The following GRM1 variants were observed in gnomAD, a reference collection of about 807,000 sequenced individuals.
The protein encoded by GRM1 is glutamate metabotropic receptor 1.
A neutral mutation model predicts 90.9 loss-of-function variants in GRM1; 33 were observed. The observed-to-expected ratio is 0.36, with a 90% confidence interval of 0.28 to 0.49. GRM1 has a LOEUF of 0.49. Among genes scored for constraint, GRM1 ranks in the 20% least tolerant of loss-of-function variants. The probability of loss-of-function intolerance (pLI) is 0.99; values close to 1 mark genes in which losing one functional copy is unlikely to be tolerated. For synonymous variants in GRM1, 700 were observed against 613.2 expected (o/e 1.14, Z -2.09); for missense variants, 1,190 against 1,534.3 (o/e 0.78, Z 3.75).
At chr6:146,114,171 T>C (rs190758066) in intron 1 of GRM1, among the ~76,000 whole-genome samples, 1 of 152,376 alleles carries the variant, frequency 6.6e-6, no homozygotes, top group Admixed American at 6.5e-5. Context: ...ATCTCATTTA[T>C]TAAAAACAGT....
At chr6:146,329,870 C>T (rs1460322336) in intron 3 of GRM1, among the ~76,000 whole-genome samples, 1 of 152,084 alleles carries the variant, frequency 6.6e-6, no homozygotes, top group Non-Finnish European at 1.5e-5. Flanking sequence ...GAATACTGTA[C>T]TGAAAGTGAG....
At chr6:146,178,623 T>C (rs1339466475) in intron 2 of GRM1, among the ~76,000 whole-genome samples, 2 of 152,206 alleles carry the variant, frequency 1.3e-5, no homozygotes, top group African/African-American at 4.8e-5. Flanking sequence ...TCTTCTGCGC[T>C]CAATAAGTTT....
chr6:146,031,743 A>G (rs1033792310), intron 1 of GRM1, among the ~76,000 whole-genome samples: 9 of 152,178 alleles, frequency 5.9e-5, no homozygotes, highest in African/African-American at 1.9e-4. Flanking sequence ...CTACATGTTA[A>G]TGTTTAGCAT....
chr6:146,247,747 T>A (rs1342788037), intron 2 of GRM1, among the ~76,000 whole-genome samples: 1 of 131,804 alleles, frequency 7.6e-6, no homozygotes, highest in East Asian at 2.2e-4. Flanking sequence ...CAAGACTCCA[T>A]CTCAAAAAAA....
chr6:146,229,429 G>T (rs1780369625), intron 2 of GRM1, among the ~76,000 whole-genome samples: 1 of 149,922 alleles, frequency 6.7e-6, no homozygotes, highest in Non-Finnish European at 1.5e-5. Context: ...GGGACCGGAA[G>T]GAGCCTCCTA....
At chr6:146,428,337 A>G (rs1778288423) in intron 7 of GRM1, among the ~76,000 whole-genome samples, 1 of 152,202 alleles carries the variant, frequency 6.6e-6, no homozygotes, top group South Asian at 2.1e-4. Context: ...CTGGACCATT[A>G]TGGTCTGTCT....
chr6:146,365,336 A>G (rs1775637467), intron 5 of GRM1: 2 of 152,314 alleles, frequency 1.3e-5, no homozygotes, highest in South Asian at 4.1e-4. Context: ...ATCCACAACC[A>G]CTATGAGTAA....
chr6:146,206,619 G>GTT (rs11340139), intron 2 of GRM1, among the ~76,000 whole-genome samples: 2 of 145,474 alleles, frequency 1.4e-5, no homozygotes, highest in Non-Finnish European at 3.1e-5. Context: ...TTCAAATAGT[G>GTT]TTTTTTTTTT....
At chr6:146,030,570 T>C (rs1275395824) in intron 1 of GRM1, among the ~76,000 whole-genome samples, 1 of 152,218 alleles carries the variant, frequency 6.6e-6, no homozygotes, top group East Asian at 1.9e-4. Context: ...CTTCAGTGAC[T>C]GGCTATGACT....
At chr6:146,228,957 G>A (rs144333770) in intron 2 of GRM1, among the ~76,000 whole-genome samples, 37 of 152,062 alleles carry the variant, frequency 2.4e-4, no homozygotes, top group African/African-American at 5.5e-4. Flanking sequence ...TGCCAACCTA[G>A]GAAACATAAT....
Position 146,190,011 on chromosome 6 carries a change from T to A in GRM1, c.950+30414T>A, listed in dbSNP as rs1778883143. ...GGGAGGGCAGGAATGTTAGATTAAG[T>A]TCGGGTATAGGGCCTTGGAGTTGTT... On this transcript the variant is annotated intron_variant, in intron 2 of 7. Transcript: ENST00000282753. Among the ~76,000 whole-genome samples the A allele has an allele frequency of 2.0e-5, 3 of 152,194 alleles. No individual in the cohort carries two copies. The South Asian group carries it at 6.2e-4, about 32-fold the overall frequency.
intron 1 of GRM1, among the ~76,000 whole-genome samples, chr6:146,060,782 G>T (rs1021164526): frequency 6.6e-6 from 1 of 152,130 alleles, no homozygotes; most frequent in Non-Finnish European, 1.5e-5. Flanking sequence ...GGGGCAGCTG[G>T]GTTGAATGGT....
chr6:146,382,736 A>G (rs943068363), intron 5 of GRM1, among the ~76,000 whole-genome samples: 2 of 152,124 alleles, frequency 1.3e-5, no homozygotes, highest in Admixed American at 1.3e-4. Flanking sequence ...AGGAGGCACT[A>G]AAGTTCTTTG....
intron 7 of GRM1, among the ~76,000 whole-genome samples, chr6:146,423,559 G>A (rs1247149894): frequency 3.3e-5 from 5 of 151,806 alleles, no homozygotes; most frequent in Admixed American, 6.6e-5. Context: ...TCAATATGCC[G>A]GAAGGCCTCA....
intron 2 of GRM1, among the ~76,000 whole-genome samples, chr6:146,216,838 T>A (rs1162846791): frequency 1.3e-5 from 2 of 152,220 alleles, no homozygotes; most frequent in Admixed American, 1.3e-4. Flanking sequence ...AAGCACCACC[T>A]GCTGGAGGCC....
At position 146,030,138 on chromosome 6, in the gene GRM1, T is replaced by C. The variant is rs760671621; in HGVS notation, c.621T>C (p.Ser207=). ...LYKYFLRVVP[S]DTLQARAMLD... ...AATACTTCCTGAGGGTTGTCCCTTCTGACACTTTGCAGGCAAGGGCCATGC... is the reference window on the plus strand; with the variant it reads ...AATACTTCCTGAGGGTTGTCCCTTCCGACACTTTGCAGGCAAGGGCCATGC... Residue 207 remains serine, a synonymous_variant, in exon 1 of 8, where the codon TCT becomes TCC. Coordinates refer to ENST00000282753, the MANE Select transcript of GRM1 (RefSeq NM_001278064.2). 6.2e-7 allele frequency: 1 copy of C among 1,614,184 alleles called. No individual in the cohort carries two copies. Among genetic ancestry groups the C allele is most frequent in the Non-Finnish European group, 8.5e-7 (1 of 1,179,998 alleles).
chr6:146,054,731 G>A (rs976255093), intron 1 of GRM1, among the ~76,000 whole-genome samples: 12 of 152,206 alleles, frequency 7.9e-5, no homozygotes, highest in Non-Finnish European at 1.6e-4. Flanking sequence ...TTTTATATTT[G>A]TTTTTTAATG....
At chr6:146,422,106 C>T (rs1368655364) in intron 7 of GRM1, among the ~76,000 whole-genome samples, 1 of 152,024 alleles carries the variant, frequency 6.6e-6, no homozygotes, top group Non-Finnish European at 1.5e-5. Context: ...ATTTTTAAGA[C>T]TGACCATCTG....
At chr6:146,169,792 G>A (rs2128894103) in intron 2 of GRM1, among the ~76,000 whole-genome samples, 1 of 152,206 alleles carries the variant, frequency 6.6e-6, no homozygotes, top group East Asian at 1.9e-4. Context: ...ATAACAGTTG[G>A]TTCATATATT....
Sources: gnomAD v4.1 joint callset for allele counts (sites outside exome capture counted in the v4.1 genomes callset) on GRCh38, gnomAD v4.1.1 for gene constraint, MANE v1.5 for transcripts, NCBI Gene and HGNC (gene_info 2026-07-23, HGNC 2026-07-21) for gene names.